The following STAP1 variants were observed in gnomAD, a reference collection of about 807,000 sequenced individuals.
STAP1 encodes signal transducing adaptor family member 1.
Under a neutral mutation model 37.8 loss-of-function variants are expected in STAP1, and 30 were observed. That is an observed-to-expected ratio of 0.79 (90% CI 0.59 to 1.08). STAP1 has a LOEUF of 1.08. Among genes scored for constraint, STAP1 ranks in the 50% least tolerant of loss-of-function variants. The pLI, the probability that STAP1 is intolerant of heterozygous loss-of-function variation, is 0.00. For missense variants in STAP1, 357 were observed against 349.4 expected (o/e 1.02, Z -0.17); for synonymous variants, 130 against 116.0 (o/e 1.12, Z -0.78).
chr4:67,563,718 C>T (rs775641643), intron 1 of STAP1, among the ~76,000 whole-genome samples: 7 of 152,054 alleles, frequency 4.6e-5, no homozygotes, highest in Non-Finnish European at 8.8e-5. Flanking sequence ...AACAACAACT[C>T]CAAATAAACA....
At chr4:67,599,798 C>T (rs922115155) in intron 8 of STAP1, among the ~76,000 whole-genome samples, 17 of 151,752 alleles carry the variant, frequency 1.1e-4, no homozygotes, top group South Asian at 2.1e-4. Context: ...TGTGCCACCA[C>T]GGCTGGCTCA....
chr4:67,572,513 T>C (rs529446533), intron 2 of STAP1, among the ~76,000 whole-genome samples: 2 of 152,198 alleles, frequency 1.3e-5, no homozygotes, highest in African/African-American at 4.8e-5. Context: ...TCCAACCCAA[T>C]AGGAACTCAA....
chr4:67,602,303 G>A (rs935504900), intron 8 of STAP1, among the ~76,000 whole-genome samples: 2 of 67,652 alleles, frequency 3.0e-5, no homozygotes, highest in African/African-American at 7.1e-5. Context: ...TGAATTTACC[G>A]TCTGAAAGTT....
Position 67,558,866 on chromosome 4 carries a change from A to C in STAP1, c.57A>C (p.Leu19Phe), listed in dbSNP as rs748061826. Residue 19 changes from leucine (L) to phenylalanine (F), a missense_variant, in exon 1 of 9, where the codon TTA (leucine) becomes TTC (phenylalanine). Coordinates refer to ENST00000265404, the MANE Select transcript of STAP1 (RefSeq NM_012108.4). ...CTCGCAGGATCTTCCAGGAAAGGTT[A>C]AAGATTACTGCTCTACCTTTGTACT... ...PAPRRIFQER[L>F]KITALPLYFE... The C allele has an allele frequency of 1.2e-6, 2 of 1,613,844 alleles. No homozygotes were observed. Among genetic ancestry groups the C allele is most frequent in the Non-Finnish European group, 1.7e-6 (2 of 1,179,888 alleles).
intron 1 of STAP1, 29 bp downstream of exon 1, chr4:67,558,958 T>C: frequency 6.5e-7 from 1 of 1,536,090 alleles, no homozygotes; most frequent in Non-Finnish European, 8.8e-7. Context: ...ATGTTAAACC[T>C]AAGACTTCTG....
Position 67,570,789 on chromosome 4 carries a change from G to A in STAP1, c.121-295G>A, listed in dbSNP as rs903711721. ...GGAAGGAAATAAAATGTTAAGCCAG[G>A]TATGGTGGCATATGCCTGTAGTCCC... On this transcript the variant is annotated intron_variant, in intron 1 of 8. Coordinates refer to ENST00000265404, the MANE Select transcript of STAP1 (RefSeq NM_012108.4). Among the ~76,000 whole-genome samples the A allele has an allele frequency of 3.3e-5, 5 of 151,914 alleles. No homozygotes were observed. The South Asian group carries it at 1.0e-3, about 32-fold the overall frequency.
intron 1 of STAP1, among the ~76,000 whole-genome samples, chr4:67,563,869 G>A (rs1333672994): frequency 6.6e-6 from 1 of 151,046 alleles, no homozygotes. Context: ...TCCTAGTTAA[G>A]CTAGTGATAA....
chr4:67,595,368 T>G (rs1728201276), intron 8 of STAP1, among the ~76,000 whole-genome samples: 1 of 102,542 alleles, frequency 9.8e-6, no homozygotes, highest in Non-Finnish European at 1.8e-5. Context: ...AGACTTCGTT[T>G]CTACAAAAAA....
chr4:67,558,748 A>G lies in STAP1; in HGVS notation c.-62A>G. Reference sequence around the variant, plus strand: ...CTTTGAACAGTTGCCTTTTCCTCTCACAGAAGGAAGATTTCATTTTGTTTG... The same window carrying G: ...CTTTGAACAGTTGCCTTTTCCTCTCGCAGAAGGAAGATTTCATTTTGTTTG... On this transcript the variant is annotated 5_prime_UTR_variant, in exon 1 of 9. Coordinates refer to ENST00000265404, the MANE Select transcript of STAP1 (RefSeq NM_012108.4). The G allele has an allele frequency of 6.4e-6, 10 of 1,570,796 alleles. No individual in the cohort carries two copies. The highest frequency in any genetic ancestry group is 8.6e-6 in the Non-Finnish European group (10 of 1,162,086).
intron 8 of STAP1, among the ~76,000 whole-genome samples, chr4:67,596,366 T>C (rs1157942744): frequency 6.6e-6 from 1 of 152,214 alleles, no homozygotes; most frequent in Non-Finnish European, 1.5e-5. Flanking sequence ...TTTGATAAAT[T>C]ACCTAGTCTC....
intron 1 of STAP1, among the ~76,000 whole-genome samples, chr4:67,569,652 A>G (rs963071931): frequency 6.6e-6 from 1 of 151,984 alleles, no homozygotes; most frequent in Non-Finnish European, 1.5e-5. Flanking sequence ...TAAAACTAAG[A>G]CACACATACA....
At chr4:67,571,234 C>A in intron 2 of STAP1, 79 bp downstream of exon 2, 2 of 1,013,432 alleles carry the variant, frequency 2.0e-6, no homozygotes, top group Non-Finnish European at 3.0e-6. Context: ...TTTGGATTTT[C>A]TGCCATCCAA....
chr4:67,580,209 C>T (rs1727820279), intron 4 of STAP1, among the ~76,000 whole-genome samples: 1 of 152,126 alleles, frequency 6.6e-6, no homozygotes, highest in Admixed American at 6.6e-5. Context: ...AAAACATGTA[C>T]AATGCTTGAG....
chr4:67,592,585 A>G (rs1453282731), intron 7 of STAP1, among the ~76,000 whole-genome samples: 2 of 152,220 alleles, frequency 1.3e-5, no homozygotes, highest in African/African-American at 4.8e-5. Context: ...ACTTGTGCTA[A>G]GAACCATCTG....
chr4:67,603,869 C>A (rs999452824), intron 8 of STAP1, among the ~76,000 whole-genome samples: 18 of 152,070 alleles, frequency 1.2e-4, no homozygotes, highest in Admixed American at 6.5e-4. Context: ...CCCTGGTCAC[C>A]CCAGCTGGTG....
chr4:67,586,100 G>A (rs892319640), intron 6 of STAP1, among the ~76,000 whole-genome samples: 8 of 151,936 alleles, frequency 5.3e-5, no homozygotes, highest in East Asian at 3.9e-4. Flanking sequence ...ACATTTACAC[G>A]TGACCCCTGT....
chr4:67,571,498 T>C (rs966571077), intron 2 of STAP1, among the ~76,000 whole-genome samples: 2 of 152,224 alleles, frequency 1.3e-5, no homozygotes, highest in South Asian at 4.1e-4. Flanking sequence ...CCACTTTTTA[T>C]CTTGCTGTAG....
At chr4:67,588,132 T>C (rs532401790) in intron 6 of STAP1, among the ~76,000 whole-genome samples, 5 of 151,846 alleles carry the variant, frequency 3.3e-5, no homozygotes, top group Middle Eastern at 3.4e-3. Context: ...ATCAATCTTG[T>C]TTTTTTCATC....
At chr4:67,597,830 G>C (rs1426589124) in intron 8 of STAP1, among the ~76,000 whole-genome samples, 1 of 152,154 alleles carries the variant, frequency 6.6e-6, no homozygotes, top group Admixed American at 6.5e-5. Context: ...TTGTATCTTG[G>C]AAGTAACTAA....
Sources: gnomAD v4.1 joint callset for allele counts (sites outside exome capture counted in the v4.1 genomes callset) on GRCh38, gnomAD v4.1.1 for gene constraint, MANE v1.5 for transcripts, NCBI Gene and HGNC (gene_info 2026-07-23, HGNC 2026-07-21) for gene names.